The following ADAMTS3 variants were observed in gnomAD, a reference collection of about 807,000 sequenced individuals.
ADAMTS3 encodes A disintegrin and metalloproteinase with thrombospondin motifs 3.
In ADAMTS3, 73 loss-of-function variants were observed where a neutral mutation model predicts 129.0. The observed-to-expected ratio is 0.57, with a 90% CI of 0.47 to 0.69. The LOEUF is 0.69. Among genes scored for constraint, ADAMTS3 ranks in the 30% least tolerant of loss-of-function variants. The pLI is 0.00. For missense variants in ADAMTS3, 1,457 were observed against 1,514.5 expected (o/e 0.96, Z 0.63); for synonymous variants, 477 against 510.8 (o/e 0.93, Z 0.89).
chr4:72,378,291 A>C (rs1721185573), intron 4 of ADAMTS3, among the ~76,000 whole-genome samples: 1 of 152,204 alleles, frequency 6.6e-6, no homozygotes, highest in South Asian at 2.1e-4. Context: ...TCAATTCAGC[A>C]CAAAGAGTCA....
At chr4:72,493,808 G>C (rs1019665573) in intron 3 of ADAMTS3, among the ~76,000 whole-genome samples, 2 of 151,916 alleles carry the variant, frequency 1.3e-5, no homozygotes, top group Non-Finnish European at 1.5e-5. Flanking sequence ...ATCTAGGAAA[G>C]TCACTATTTC....
Position 72,283,131 on chromosome 4 carries a change from C to T in ADAMTS3, c.*5G>A, listed in dbSNP as rs1333133752. On this transcript the variant is annotated 3_prime_UTR_variant, in exon 22 of 22. Transcript: ENST00000286657. Reference sequence around the variant, plus strand: ...TCTGGTTTCTAGCCTTTTTGGTTCACTTTCTCATCTTTCTAAGGTGGATGA... The same window carrying T: ...TCTGGTTTCTAGCCTTTTTGGTTCATTTTCTCATCTTTCTAAGGTGGATGA... 3.2e-6 allele frequency: 5 copies of T among 1,587,018 alleles called. No individual in the cohort carries two copies. Among genetic ancestry groups the T allele is most frequent in the South Asian group, 2.3e-5 (2 of 85,968 alleles).
At chr4:72,390,140 A>T (rs1357882681) in intron 4 of ADAMTS3, among the ~76,000 whole-genome samples, 1 of 152,206 alleles carries the variant, frequency 6.6e-6, no homozygotes, top group African/African-American at 2.4e-5. Flanking sequence ...AAATGTCTTT[A>T]AACTACATTT....
In ADAMTS3 at chr4:72,568,747, G is replaced by A. The variant is rs1722087019; in HGVS notation, c.16C>T (p.Leu6Phe). The change falls in exon 1 of 22, where the codon CTT (leucine) becomes TTT (phenylalanine). Residue 6 changes from leucine (L) to phenylalanine (F), a missense_variant. Transcript: ENST00000286657. Reference protein sequence around the residue: MVLLSLWLIAAALVEV... With the variant: MVLLSFWLIAAALVEV... ...ACCAGAGCGGCTGCTATCAACCAAA[G>A]TGACAGGAGAACCATCACGAGTCGA... The A allele has an allele frequency of 6.2e-7, 1 of 1,613,474 alleles. No individual in the cohort carries two copies. Among genetic ancestry groups the A allele is most frequent in the African/African-American group, 1.3e-5 (1 of 74,780 alleles).
intron 4 of ADAMTS3, among the ~76,000 whole-genome samples, chr4:72,362,666 C>G (rs1315778774): frequency 6.6e-6 from 1 of 152,048 alleles, no homozygotes; most frequent in Non-Finnish European, 1.5e-5. Context: ...CACTTTGGTT[C>G]CTTCTAACAT....
Position 72,320,737 on chromosome 4 carries a change from T to C in ADAMTS3, c.1079A>G (p.Asp360Gly). 1 of 1,613,836 alleles carries C rather than the reference T, an allele frequency of 6.2e-7. No individual in the cohort carries two copies. The highest frequency in any genetic ancestry group is 8.5e-7 in the Non-Finnish European group (1 of 1,179,826). The change falls in exon 7 of 22, where the codon GAC becomes GGC. Residue 360 changes from aspartate (D) to glycine (G), a missense_variant. Transcript: ENST00000286657. Reference protein sequence around the residue: ...HDHAIFLTRQDFGPAGMQGYA... With the variant: ...HDHAIFLTRQGFGPAGMQGYA... The stretch of plus-strand genomic sequence containing the variant: ...ACCTTGCATTCCAGCAGGTCCAAAG[T>C]CTTGCCTGGTTAAAAAAATTGCATG...
At chr4:72,437,008 T>C (rs1258901862) in intron 3 of ADAMTS3, among the ~76,000 whole-genome samples, 3 of 151,504 alleles carry the variant, frequency 2.0e-5, no homozygotes, top group African/African-American at 7.3e-5. Context: ...AATATAATAA[T>C]AATAATAAAA....
chr4:72,437,757 C>T (rs140349731), intron 3 of ADAMTS3, among the ~76,000 whole-genome samples: 1 of 151,780 alleles, frequency 6.6e-6, no homozygotes, highest in East Asian at 2.0e-4. Context: ...TCACTACCAA[C>T]AATTCAGACC....
rs1347061400 is a variant in ADAMTS3 at position 72,306,035 on chromosome 4, C to T, written c.2212G>A (p.Ala738Thr). 3.7e-6 allele frequency: 6 copies of T among 1,610,254 alleles called. No homozygotes were observed. Among genetic ancestry groups the T allele is most frequent in the Non-Finnish European group, 5.1e-6 (6 of 1,178,220 alleles). Residue 738 changes from alanine to threonine, a missense_variant, in exon 16 of 22, where the codon GCT becomes ACT. Transcript: ENST00000286657. ...TCTTCTTGGATTAACACATGTCTAGCCCCAGGGGGTATATCAAACATCTTA... is the reference window on the plus strand; with the variant it reads ...TCTTCTTGGATTAACACATGTCTAGTCCCAGGGGGTATATCAAACATCTTA... ...YLKMFDIPPG[A>T]RHVLIQEDEA...
chr4:72,479,407 G>A (rs1719356133), intron 3 of ADAMTS3, among the ~76,000 whole-genome samples: 1 of 152,140 alleles, frequency 6.6e-6, no homozygotes, highest in Non-Finnish European at 1.5e-5. Flanking sequence ...ACAACTATCT[G>A]ATCTTTGACA....
intron 4 of ADAMTS3, among the ~76,000 whole-genome samples, chr4:72,403,222 T>C (rs2109911535): frequency 6.6e-6 from 1 of 152,214 alleles, no homozygotes; most frequent in East Asian, 1.9e-4. Context: ...GGTACTTCTG[T>C]CACTTTTCTA....
Position 72,542,325 on chromosome 4 carries a change from C to T in ADAMTS3, c.504+6153G>A, listed in dbSNP as rs184511345. Among the ~76,000 whole-genome samples, 995 of 152,078 alleles carry T rather than the reference C, an allele frequency of 6.5e-3. 18 individuals are homozygous for T. The highest frequency in any genetic ancestry group is 0.023 in the African/African-American group (938 of 41,482). ...GACTACAGGCGCCCACCACCACGCCCGGCTAATTTTTTGTATTTATAGTAG... is the reference window on the plus strand; with the variant it reads ...GACTACAGGCGCCCACCACCACGCCTGGCTAATTTTTTGTATTTATAGTAG... On this transcript the variant is annotated intron_variant, in intron 3 of 21. Coordinates refer to ENST00000286657, the MANE Select transcript of ADAMTS3 (RefSeq NM_014243.3).
chr4:72,518,938 G>A (rs537065939), intron 3 of ADAMTS3, among the ~76,000 whole-genome samples: 2 of 152,040 alleles, frequency 1.3e-5, no homozygotes, highest in African/African-American at 4.8e-5. Flanking sequence ...AGTCTCAATG[G>A]TCTTTACATT....
intron 17 of ADAMTS3, among the ~76,000 whole-genome samples, chr4:72,299,547 T>C (rs889449986): frequency 6.6e-6 from 1 of 152,140 alleles, no homozygotes; most frequent in Non-Finnish European, 1.5e-5. Flanking sequence ...CTTTTTATAA[T>C]TCTAGTTCTT....
Position 72,474,764 on chromosome 4 carries a change from C to T in ADAMTS3, c.505-59793G>A, listed in dbSNP as rs530654611. 1.2e-4 allele frequency among the ~76,000 whole-genome samples: 19 copies of T among 152,212 alleles called. No homozygotes were observed. In the South Asian group the frequency reaches 3.1e-3, roughly 25 times the overall value. ...ATTCTAGGCCGGGCGCTGTGGCTCACGCCTGTAATCCCAGCACTTTGGGAG... is the reference window on the plus strand; with the variant it reads ...ATTCTAGGCCGGGCGCTGTGGCTCATGCCTGTAATCCCAGCACTTTGGGAG... On this transcript the variant is annotated intron_variant, in intron 3 of 21. Coordinates refer to ENST00000286657, the MANE Select transcript of ADAMTS3 (RefSeq NM_014243.3).
intron 2 of ADAMTS3, among the ~76,000 whole-genome samples, chr4:72,556,753 T>C (rs2109800112): frequency 6.6e-6 from 1 of 151,762 alleles, no homozygotes; most frequent in East Asian, 1.9e-4. Context: ...AAAATAATAA[T>C]GGGGACCAAA....
At chr4:72,498,671 A>G (rs1012080967) in intron 3 of ADAMTS3, among the ~76,000 whole-genome samples, 22 of 151,864 alleles carry the variant, frequency 1.4e-4, no homozygotes, top group African/African-American at 5.3e-4. Context: ...ACACACACGC[A>G]CACACACGTT....
intron 4 of ADAMTS3, among the ~76,000 whole-genome samples, chr4:72,413,731 G>A (rs905472109): frequency 1.3e-5 from 2 of 151,800 alleles, no homozygotes; most frequent in Admixed American, 6.6e-5. Context: ...TAAGGTAACA[G>A]AACAACTTGG....
intron 3 of ADAMTS3, among the ~76,000 whole-genome samples, chr4:72,503,010 A>G (rs922045372): frequency 3.3e-5 from 5 of 151,662 alleles, no homozygotes; most frequent in Non-Finnish European, 5.9e-5. Flanking sequence ...TTTATTTGAA[A>G]GGTTTTTTTT....
Sources: allele counts gnomAD v4.1 joint callset (sites outside exome capture counted in the v4.1 genomes callset), GRCh38; gene constraint gnomAD v4.1.1; transcripts MANE v1.5; gene names NCBI Gene and HGNC (gene_info 2026-07-23, HGNC 2026-07-21).